PITPNC1: variants seen among roughly 807,000 people sequenced by gnomAD.
PITPNC1 encodes phosphatidylinositol transfer protein cytoplasmic 1, also known as cytoplasmic phosphatidylinositol transfer protein 1.
In PITPNC1, 18 loss-of-function variants were observed where a neutral mutation model predicts 44.7. That is an observed-to-expected ratio of 0.40 (90% CI 0.28 to 0.60). PITPNC1 has a LOEUF of 0.60. Among genes scored for constraint, PITPNC1 ranks in the 20% least tolerant of loss-of-function variants. PITPNC1 has a pLI of 0.39. For missense variants in PITPNC1, 290 were observed against 418.4 expected (o/e 0.69, Z 2.68); for synonymous variants, 141 against 149.6 (o/e 0.94, Z 0.42).
chr17:67,408,426 A>AGGCT (rs1357427476), intron 1 of PITPNC1, among the ~76,000 whole-genome samples: 1 of 152,008 alleles, frequency 6.6e-6, no homozygotes, highest in African/African-American at 2.4e-5. Context: ...GCTACTCTGG[A>AGGCT]GGCTGAGGCA....
At chr17:67,663,335 C>T (rs1418154951) in intron 6 of PITPNC1, among the ~76,000 whole-genome samples, 3 of 151,904 alleles carry the variant, frequency 2.0e-5, no homozygotes, top group Middle Eastern at 3.4e-3. Flanking sequence ...TTTGGGAGGC[C>T]GAGGCGGGTG....
At chr17:67,434,459 T>G (rs554244280) in intron 1 of PITPNC1, among the ~76,000 whole-genome samples, 4 of 152,192 alleles carry the variant, frequency 2.6e-5, no homozygotes, top group African/African-American at 4.8e-5. Flanking sequence ...ATAACCTTTC[T>G]TAGGGCCCTC....
rs908606077 is a variant in PITPNC1 at position 67,597,912 on chromosome 17, A to G, written c.366+19655A>G. 3.9e-5 allele frequency among the ~76,000 whole-genome samples: 6 copies of G among 152,234 alleles called. No individual in the cohort carries two copies. Among genetic ancestry groups the G allele is most frequent in the South Asian group, 2.1e-4 (1 of 4,826 alleles). ...TGATAGAGAATGCAGCCCGAGATTT[A>G]AAGCAGTGACAGTAGAAATAGAGAG... On this transcript the variant is annotated intron_variant, in intron 5 of 8. Transcript: ENST00000581322. This position sits in a 1 kb window ranked among gnomAD's most constrained non-coding sequence, Gnocchi z 4.0.
At chr17:67,471,240 TA>T (rs758005772) in intron 1 of PITPNC1, among the ~76,000 whole-genome samples, 2,697 of 118,322 alleles carry the variant, frequency 0.023, 61 homozygotes, top group African/African-American at 0.068. Context: ...AAAAAAAATG[TA>T]AAAAAAAAAA....
chr17:67,452,858 A>C (rs1043021855), intron 1 of PITPNC1, among the ~76,000 whole-genome samples: 17 of 152,046 alleles, frequency 1.1e-4, no homozygotes, highest in African/African-American at 4.1e-4. Context: ...TAGTTCTTGC[A>C]TTTTTTTACT....
At chr17:67,640,308 G>C (rs111563650) in intron 6 of PITPNC1, among the ~76,000 whole-genome samples, 13 of 152,292 alleles carry the variant, frequency 8.5e-5, no homozygotes, top group African/African-American at 2.9e-4. Context: ...ACAAGAGAAG[G>C]GTCCTCAGCA....
At chr17:67,619,543 G>A (rs1488690544) in intron 5 of PITPNC1, among the ~76,000 whole-genome samples, 1 of 152,054 alleles carries the variant, frequency 6.6e-6, no homozygotes, top group African/African-American at 2.4e-5. Flanking sequence ...ATCCCTCTCT[G>A]GAGCCCTAGC....
intron 1 of PITPNC1, among the ~76,000 whole-genome samples, chr17:67,444,287 C>T (rs1185805083): frequency 2.0e-5 from 3 of 152,000 alleles, no homozygotes; most frequent in Non-Finnish European, 4.4e-5. Context: ...CACAATAGGC[C>T]GAGATCACGG....
At chr17:67,613,929 CAAAAAAAAAAAAAAA>C (rs61136281) in intron 5 of PITPNC1, 6 of 42,804 alleles carry the variant, frequency 1.4e-4, no homozygotes, top group South Asian at 1.3e-3. Context: ...CCTATCTCTA[CAAAAAAAAAAAAAAA>C]AAAAAAAAAA....
intron 1 of PITPNC1, among the ~76,000 whole-genome samples, chr17:67,382,703 C>T (rs915214115): frequency 2.0e-5 from 3 of 151,028 alleles, no homozygotes; most frequent in Non-Finnish European, 4.4e-5. Context: ...CGGCTCACTG[C>T]GACCTCCACC....
chr17:67,586,141 T>G (rs1220939397), intron 5 of PITPNC1, among the ~76,000 whole-genome samples: 1 of 152,004 alleles, frequency 6.6e-6, no homozygotes, highest in East Asian at 1.9e-4. Flanking sequence ...AGGTTGAAAA[T>G]GTAGTAAAAG....
intron 6 of PITPNC1, among the ~76,000 whole-genome samples, chr17:67,658,795 G>T (rs1418530903): frequency 6.6e-6 from 1 of 151,816 alleles, no homozygotes; most frequent in Non-Finnish European, 1.5e-5. Context: ...TACTTACTCA[G>T]TTGCTTACCC....
chr17:67,513,634 G>A (rs1053541255), intron 1 of PITPNC1, among the ~76,000 whole-genome samples: 2 of 151,910 alleles, frequency 1.3e-5, no homozygotes, highest in Non-Finnish European at 2.9e-5. Flanking sequence ...GAGTCACTAA[G>A]GGCATAGGAA....
intron 1 of PITPNC1, among the ~76,000 whole-genome samples, chr17:67,456,034 A>G (rs2039250239): frequency 6.6e-6 from 1 of 152,234 alleles, no homozygotes; most frequent in Non-Finnish European, 1.5e-5. Flanking sequence ...ACTTTTAAAA[A>G]ACACATTCCA....
intron 1 of PITPNC1, among the ~76,000 whole-genome samples, chr17:67,451,847 A>G (rs2039182208): frequency 1.3e-5 from 2 of 151,972 alleles, no homozygotes; most frequent in Admixed American, 1.3e-4. Flanking sequence ...CATGCTAGCC[A>G]GGATGGTCTC....
At chr17:67,489,129 G>A (rs2039824678) in intron 1 of PITPNC1, among the ~76,000 whole-genome samples, 1 of 152,172 alleles carries the variant, frequency 6.6e-6, no homozygotes, top group African/African-American at 2.4e-5. Context: ...GAATTGATGG[G>A]TCATACGGTA....
intron 1 of PITPNC1, among the ~76,000 whole-genome samples, chr17:67,506,989 C>A (rs143194407): frequency 1.3e-5 from 2 of 151,852 alleles, no homozygotes; most frequent in African/African-American, 2.4e-5. Context: ...GAAAACAAAT[C>A]GATGCTATAA....
intron 8 of PITPNC1, among the ~76,000 whole-genome samples, chr17:67,684,008 CAG>C (rs755606332): frequency 1.5e-4 from 22 of 148,330 alleles, no homozygotes; most frequent in East Asian, 3.9e-4. Flanking sequence ...AGAAAAGAAA[CAG>C]GGGATTATGT....
chr17:67,593,449 G>C (rs1328307622), intron 5 of PITPNC1, among the ~76,000 whole-genome samples: 1 of 152,060 alleles, frequency 6.6e-6, no homozygotes, highest in East Asian at 1.9e-4. Context: ...ACCCAGGCTG[G>C]AGTGCAGTGG....
Sources: gnomAD v4.1 joint callset for allele counts (sites outside exome capture counted in the v4.1 genomes callset) on GRCh38, gnomAD v4.1.1 for gene constraint, Gnocchi (gnomAD v3.1) non-coding constraint, MANE v1.5 for transcripts, NCBI Gene and HGNC (gene_info 2026-07-23, HGNC 2026-07-21) for gene names.